The following XKR6 variants were observed in gnomAD, a reference collection of about 807,000 sequenced individuals.
XKR6 encodes the protein XK-related protein 6.
Under a neutral mutation model 56.7 loss-of-function variants are expected in XKR6, and 22 were observed. The observed-to-expected ratio is 0.39, with a 90% CI of 0.28 to 0.55. XKR6 has a LOEUF of 0.55. Among genes scored for constraint, XKR6 ranks in the 20% least tolerant of loss-of-function variants. XKR6 has a pLI of 0.66. For missense variants in XKR6, 852 were observed against 889.0 expected (o/e 0.96, Z 0.53); for synonymous variants, 524 against 387.8 (o/e 1.35, Z -4.13).
At chr8:11,018,395 C>T (rs1276093628) in intron 1 of XKR6, among the ~76,000 whole-genome samples, 2 of 152,212 alleles carry the variant, frequency 1.3e-5, no homozygotes, top group African/African-American at 4.8e-5. Flanking sequence ...CGCCTTCCTC[C>T]CCTGCACAAA....
At chr8:11,083,690 C>G (rs1485877306) in intron 1 of XKR6, among the ~76,000 whole-genome samples, 4 of 152,088 alleles carry the variant, frequency 2.6e-5, no homozygotes, top group Non-Finnish European at 4.4e-5. Context: ...GTCAAAAAAT[C>G]TGAAAGCGAT....
intron 1 of XKR6, among the ~76,000 whole-genome samples, chr8:11,123,089 T>A (rs1007945951): frequency 3.3e-5 from 5 of 151,728 alleles, no homozygotes; most frequent in African/African-American, 1.2e-4. Flanking sequence ...ATACAAAAAA[T>A]AGCCAGGTGT....
chr8:11,086,150 T>TATATATATATATATATATATATATATATA (rs1439777662), intron 1 of XKR6, among the ~76,000 whole-genome samples: 2 of 112,750 alleles, frequency 1.8e-5, no homozygotes, highest in African/African-American at 8.7e-5. Flanking sequence ...ATATATATAT[T>TATATATATATATATATATATATATATATA]TTTTTTTAAA....
In XKR6 at chr8:11,200,533, G is replaced by T. The variant is rs778366069; in HGVS notation, c.764+43C>A. ...GCGAAGCACCGGGAGGGCGGAGGGG[G>T]GCTCCTCAGGGCCGGCCCGCCCCCA... On this transcript the variant is annotated intron_variant, in intron 1 of 2. Transcript: ENST00000416569. This position sits in a 1 kb window ranked among gnomAD's most constrained non-coding sequence, Gnocchi z 6.4. 5 of 1,412,434 alleles carry T rather than the reference G, an allele frequency of 3.5e-6. No homozygotes were observed. In the East Asian group the frequency reaches 8.4e-5, roughly 24 times the overall value. The allele number at this position is 1,412,434 out of a possible 1,614,324, so 87.5% of individuals were successfully genotyped here.
At chr8:10,991,550 C>G (rs149219376) in intron 1 of XKR6, among the ~76,000 whole-genome samples, 8 of 152,106 alleles carry the variant, frequency 5.3e-5, no homozygotes, top group African/African-American at 1.9e-4. Context: ...TGCCATAGGT[C>G]TTAACTTGAG....
chr8:10,913,881 C>T (rs1354072157), intron 2 of XKR6, among the ~76,000 whole-genome samples: 1 of 152,184 alleles, frequency 6.6e-6, no homozygotes, highest in Non-Finnish European at 1.5e-5. Context: ...CAGCACGAGG[C>T]AGGAGGACCT....
Position 11,093,524 on chromosome 8 carries a change from GCCACAT to G in XKR6, c.764+107046_764+107051del, listed in dbSNP as rs1798154516. Among the ~76,000 whole-genome samples, 4 of 152,282 alleles carry G rather than the reference GCCACAT, an allele frequency of 2.6e-5. No homozygotes were observed. The South Asian group carries it at 8.3e-4, about 32-fold the overall frequency. ...TTGTGCCAGCAGCACTTAGTGCCCG[GCCACAT>G]CCTTAGTCTCTTAGTTATAATAGCC... is the stretch of plus-strand genomic sequence containing the variant. On this transcript the variant is annotated intron_variant, in intron 1 of 2. Transcript: ENST00000416569.
intron 1 of XKR6, among the ~76,000 whole-genome samples, chr8:11,171,750 TTTAAAAG>T (rs2117048241): frequency 6.6e-6 from 1 of 152,208 alleles, no homozygotes; most frequent in East Asian, 1.9e-4. Flanking sequence ...ACTTTTTTCC[TTTAAAAG>T]TTACCCAGTC....
intron 1 of XKR6, among the ~76,000 whole-genome samples, chr8:10,999,981 C>A (rs937368734): frequency 4.6e-5 from 7 of 152,200 alleles, no homozygotes; most frequent in African/African-American, 1.7e-4. Context: ...CATATGACTT[C>A]CCAGACTGTG....
intron 1 of XKR6, among the ~76,000 whole-genome samples, chr8:10,947,426 G>A (rs1404255476): frequency 6.6e-6 from 1 of 152,166 alleles, no homozygotes. Context: ...AAGCACAGAT[G>A]GCAAATCTGG....
At chr8:10,968,125 G>T (rs1802284540) in intron 1 of XKR6, among the ~76,000 whole-genome samples, 1 of 152,164 alleles carries the variant, frequency 6.6e-6, no homozygotes, top group Non-Finnish European at 1.5e-5. Flanking sequence ...CCTGGATCCT[G>T]GAGCTCAGGC....
intron 1 of XKR6, among the ~76,000 whole-genome samples, chr8:11,002,162 C>T (rs1798256624): frequency 6.6e-6 from 1 of 152,190 alleles, no homozygotes; most frequent in African/African-American, 2.4e-5. Flanking sequence ...AAGGCATCAC[C>T]CTGCTGTGAA....
chr8:10,909,367 G>A (rs1256175029), intron 2 of XKR6, among the ~76,000 whole-genome samples: 6 of 152,144 alleles, frequency 3.9e-5, no homozygotes, highest in Admixed American at 3.9e-4. Flanking sequence ...AGCAGAAAAT[G>A]GACTAAGATA....
intron 1 of XKR6, among the ~76,000 whole-genome samples, chr8:11,187,275 T>C (rs528517541): frequency 2.2e-4 from 33 of 152,346 alleles, no homozygotes; most frequent in Non-Finnish European, 3.8e-4. Context: ...CAGTTCTTTA[T>C]TGTAGACAAG....
intron 1 of XKR6, among the ~76,000 whole-genome samples, chr8:11,161,902 TTTAC>T (rs757444725): frequency 2.4e-4 from 37 of 152,168 alleles, no homozygotes; most frequent in Non-Finnish European, 4.6e-4. Flanking sequence ...AAAGATAAAT[TTTAC>T]TTACTTACCC....
At chr8:11,015,812 G>C (rs1034871586) in intron 1 of XKR6, among the ~76,000 whole-genome samples, 2 of 152,178 alleles carry the variant, frequency 1.3e-5, no homozygotes, top group African/African-American at 4.8e-5. Context: ...TTGAGGGTGG[G>C]CTCGGCGTAT....
intron 1 of XKR6, among the ~76,000 whole-genome samples, chr8:11,067,660 G>A (rs1225398399): frequency 6.6e-6 from 1 of 152,260 alleles, no homozygotes; most frequent in East Asian, 1.9e-4. Flanking sequence ...AGTTGAGACA[G>A]GTGGTTGGTG....
intron 1 of XKR6, among the ~76,000 whole-genome samples, chr8:11,143,958 C>T (rs960620407): frequency 1.3e-5 from 2 of 152,146 alleles, no homozygotes; most frequent in African/African-American, 2.4e-5. Context: ...GCCACCTTCT[C>T]CCTTTGTCCT....
chr8:10,946,214 T>TG (rs1563304194), intron 1 of XKR6, among the ~76,000 whole-genome samples: 1 of 152,008 alleles, frequency 6.6e-6, no homozygotes, highest in East Asian at 1.9e-4. Context: ...CCATGGGGAA[T>TG]GGGGGTGAGA....
Sources: allele counts gnomAD v4.1 joint callset (sites outside exome capture counted in the v4.1 genomes callset), GRCh38; gene constraint gnomAD v4.1.1; non-coding constraint Gnocchi (gnomAD v3.1); transcripts MANE v1.5; gene names NCBI Gene and HGNC (gene_info 2026-07-23, HGNC 2026-07-21).